The following TAF2 variants were observed in gnomAD, a reference collection of about 807,000 sequenced individuals.
TAF2 encodes the protein transcription initiation factor TFIID subunit 2.
A neutral mutation model predicts 138.5 loss-of-function variants in TAF2; 61 were observed. That is an observed-to-expected ratio of 0.44 (90% CI 0.36 to 0.54). TAF2 has a LOEUF of 0.54. TAF2 is among the 20% of genes least tolerant of loss of function. The pLI is 0.00. For synonymous variants in TAF2, 475 were observed against 469.9 expected (o/e 1.01, Z -0.14); for missense variants, 1,090 against 1,427.9 (o/e 0.76, Z 3.81).
intron 18 of TAF2, among the ~76,000 whole-genome samples, chr8:119,769,603 T>C (rs1563851576): frequency 1.3e-5 from 2 of 151,968 alleles, no homozygotes; most frequent in South Asian, 2.1e-4. Context: ...ACCAGATAGA[T>C]GTATTTTTAG....
chr8:119,832,203 A>C (rs1395962133), intron 1 of TAF2, among the ~76,000 whole-genome samples: 5 of 152,100 alleles, frequency 3.3e-5, no homozygotes, highest in Non-Finnish European at 7.4e-5. Flanking sequence ...CAATTGGGAT[A>C]ATTTTTTAAA....
At chr8:119,789,848 G>C in intron 11 of TAF2, 102 bp from the exon 12 acceptor site, 3 of 1,163,008 alleles carry the variant, frequency 2.6e-6, no homozygotes, top group East Asian at 5.2e-5. Context: ...AATTATAGAA[G>C]ACAATAATTT....
chr8:119,740,982 G>A (rs902896932), intron 25 of TAF2, among the ~76,000 whole-genome samples: 55 of 152,116 alleles, frequency 3.6e-4, no homozygotes, highest in African/African-American at 1.3e-3. Flanking sequence ...GAAAGGACCC[G>A]ACACTAATAG....
chr8:119,742,054 C>G (rs912268743), intron 25 of TAF2, among the ~76,000 whole-genome samples: 8 of 152,310 alleles, frequency 5.3e-5, no homozygotes, highest in African/African-American at 1.7e-4. Context: ...AATATAGCAT[C>G]AAGTCTTCAG....
intron 3 of TAF2, 75 bp from the exon 4 acceptor site, chr8:119,806,476 T>TCA: frequency 6.2e-6 from 6 of 972,852 alleles, no homozygotes; most frequent in Non-Finnish European, 7.5e-6. Context: ...TTTCTTTTTT[T>TCA]TTTTTTTTTT....
rs7832308 is a variant in TAF2, at chr8:119,802,070, T to G, written c.561-45A>C. On this transcript the variant is annotated intron_variant, in intron 5 of 25. Transcript: ENST00000378164. The stretch of plus-strand genomic sequence containing the variant: ...TATAGAAAATGTATTCAAAGAGTTC[T>G]CTACATTGTTTTCCCCACATGCAAG... 1.7e-3 allele frequency: 2,522 copies of G among 1,472,998 alleles called. 31 individuals carry two copies. In the African/African-American group the frequency reaches 0.032, roughly 18 times the overall value. 91.2% of individuals were successfully genotyped at this position (1,472,998 alleles called of 1,614,324 possible). A position where few individuals can be genotyped will look rare whatever the true frequency, so the allele number is the denominator to read the frequency against.
chr8:119,805,629 C>T (rs994176417), intron 4 of TAF2, among the ~76,000 whole-genome samples: 3 of 151,864 alleles, frequency 2.0e-5, no homozygotes, highest in Admixed American at 6.6e-5. Context: ...TCCTTGAACT[C>T]GGGAGGCAGA....
intron 23 of TAF2, chr8:119,745,042 G>A (rs973100912): frequency 3.1e-5 from 14 of 455,852 alleles, no homozygotes; most frequent in Admixed American, 3.1e-4. Flanking sequence ...TCTTCCTGCG[G>A]CAATATTCAA....
intron 18 of TAF2, among the ~76,000 whole-genome samples, chr8:119,773,246 T>A (rs2131101593): frequency 6.6e-6 from 1 of 151,642 alleles, no homozygotes; most frequent in East Asian, 1.9e-4. Flanking sequence ...GTGCTAAAGC[T>A]ATTCTTATAA....
At chr8:119,819,277 C>A in intron 3 of TAF2, 69 bp downstream of exon 3, 1 of 1,512,638 alleles carries the variant, frequency 6.6e-7, no homozygotes, top group Non-Finnish European at 9.1e-7. Context: ...TTGAGAAAAA[C>A]TAATCCAATC....
chr8:119,768,344 A>G (rs797008549), intron 18 of TAF2, among the ~76,000 whole-genome samples: 2 of 152,110 alleles, frequency 1.3e-5, no homozygotes, highest in South Asian at 2.1e-4. Flanking sequence ...CCCCTTTACC[A>G]TGAAGGTGCA....
intron 21 of TAF2, among the ~76,000 whole-genome samples, chr8:119,757,419 C>T (rs574175635): frequency 1.3e-5 from 2 of 151,872 alleles, no homozygotes; most frequent in African/African-American, 4.8e-5. Context: ...TTCTAAGAGC[C>T]GATCAGTATT....
At chr8:119,803,731 T>A in intron 5 of TAF2, 147 bp downstream of exon 5, 1 of 826,934 alleles carries the variant, frequency 1.2e-6, no homozygotes, top group African/African-American at 1.8e-5. Context: ...TTAAGAGGAA[T>A]GACTAACAGA....
chr8:119,760,570 G>A (rs1226285144), intron 20 of TAF2, 29 bp downstream of exon 20: 1 of 1,609,012 alleles, frequency 6.2e-7, no homozygotes, highest in Non-Finnish European at 8.5e-7. Context: ...TTTCTAAAAT[G>A]ATATGAGCAC....
intron 6 of TAF2, among the ~76,000 whole-genome samples, chr8:119,800,040 A>G (rs573097594): frequency 3.5e-4 from 54 of 152,228 alleles, no homozygotes; most frequent in African/African-American, 1.3e-3. Context: ...GATTCTGCAT[A>G]TTAGCCCTTT....
At chr8:119,811,144 A>C (rs1825025295) in intron 3 of TAF2, among the ~76,000 whole-genome samples, 1 of 152,184 alleles carries the variant, frequency 6.6e-6, no homozygotes, top group African/African-American at 2.4e-5. Context: ...TCCTTACAGA[A>C]ATGCAACTTA....
chr8:119,758,307 C>A (rs1229421580), intron 20 of TAF2, among the ~76,000 whole-genome samples, 165 bp from the exon 21 acceptor site: 1 of 152,104 alleles, frequency 6.6e-6, no homozygotes, highest in Non-Finnish European at 1.5e-5. Flanking sequence ...TATGCAATGG[C>A]CACTTTGTAA....
intron 25 of TAF2, among the ~76,000 whole-genome samples, chr8:119,741,345 G>C (rs1214251367): frequency 1.3e-5 from 2 of 151,980 alleles, no homozygotes; most frequent in Non-Finnish European, 2.9e-5. Context: ...CTGTATGAAG[G>C]AGTTTGAAAT....
intron 25 of TAF2, among the ~76,000 whole-genome samples, chr8:119,734,537 T>C (rs1819091589): frequency 6.6e-6 from 1 of 152,202 alleles, no homozygotes; most frequent in Non-Finnish European, 1.5e-5. Flanking sequence ...TTCTATATAC[T>C]ACTCTAGGCT....
Sources: allele counts gnomAD v4.1 joint callset (sites outside exome capture counted in the v4.1 genomes callset), GRCh38; gene constraint gnomAD v4.1.1; transcripts MANE v1.5; gene names NCBI Gene and HGNC (gene_info 2026-07-23, HGNC 2026-07-21).